PPP2R2B: variants seen among roughly 807,000 people sequenced by gnomAD.
PPP2R2B encodes the protein protein phosphatase 2 regulatory subunit Bbeta, also known as serine/threonine-protein phosphatase 2A 55 kDa regulatory subunit B beta isoform.
PPP2R2B carries 5 observed loss-of-function variants against 46.0 expected under a neutral mutation model. The observed-to-expected ratio is 0.11, with a 90% CI of 0.06 to 0.23. PPP2R2B has a LOEUF of 0.23. Among genes scored for constraint, PPP2R2B ranks in the 10% least tolerant of loss-of-function variants. PPP2R2B has a pLI of 1.00. For synonymous variants in PPP2R2B, 215 were observed against 206.7 expected (o/e 1.04, Z -0.34); for missense variants, 367 against 575.0 (o/e 0.64, Z 3.70).
chr5:146,899,622 A>C (rs1471935679), intron 1 of PPP2R2B, among the ~76,000 whole-genome samples: 1 of 152,120 alleles, frequency 6.6e-6, no homozygotes, highest in Non-Finnish European at 1.5e-5. Context: ...CTTAAAGTAT[A>C]ATAATAATAA....
At chr5:146,836,098 A>G (rs1358000243) in intron 2 of PPP2R2B, among the ~76,000 whole-genome samples, 2 of 152,174 alleles carry the variant, frequency 1.3e-5, no homozygotes, top group African/African-American at 4.8e-5. Flanking sequence ...ACTTTATCTT[A>G]TCATTTTGCT....
intron 9 of PPP2R2B, among the ~76,000 whole-genome samples, chr5:146,590,549 A>G (rs1216364385): frequency 1.3e-5 from 2 of 152,048 alleles, no homozygotes; most frequent in Non-Finnish European, 2.9e-5. Context: ...ACTGGTTTTA[A>G]TGATCCCAGT....
intron 2 of PPP2R2B, among the ~76,000 whole-genome samples, chr5:146,720,565 T>C (rs922584464): frequency 6.6e-6 from 1 of 152,198 alleles, no homozygotes; most frequent in African/African-American, 2.4e-5. Context: ...AAATAGCTCA[T>C]ACACTGTCCC....
At chr5:147,063,166 T>C (rs934661478) in intron 2 of PPP2R2B, among the ~76,000 whole-genome samples, 10 of 151,670 alleles carry the variant, frequency 6.6e-5, no homozygotes, top group African/African-American at 1.9e-4. Context: ...AAGAGATGCA[T>C]AGTAGAAAAC....
intron 2 of PPP2R2B, among the ~76,000 whole-genome samples, chr5:146,855,545 A>G (rs1760607423): frequency 6.6e-6 from 1 of 151,984 alleles, no homozygotes; most frequent in African/African-American, 2.4e-5. Flanking sequence ...AACTGTGACC[A>G]CCTTTTAAAT....
chr5:146,730,603 G>T (rs771624176), intron 2 of PPP2R2B, among the ~76,000 whole-genome samples: 3 of 152,234 alleles, frequency 2.0e-5, no homozygotes, highest in Admixed American at 2.0e-4. Flanking sequence ...AGTCTTTCCC[G>T]TGCTAGTCTC....
intron 7 of PPP2R2B, among the ~76,000 whole-genome samples, chr5:146,615,632 A>T (rs76039069): frequency 0.079 from 11,952 of 151,962 alleles, 748 homozygotes; most frequent in East Asian, 0.24. Context: ...TCAAGAAATT[A>T]AACCCATTTA....
chr5:146,653,659 G>A (rs1474763036), intron 5 of PPP2R2B, among the ~76,000 whole-genome samples: 1 of 152,160 alleles, frequency 6.6e-6, no homozygotes, highest in Non-Finnish European at 1.5e-5. Context: ...GGCGACATGG[G>A]AGGGAGCATG....
At chr5:146,713,429 G>A (rs1166107226) in intron 2 of PPP2R2B, among the ~76,000 whole-genome samples, 1 of 152,132 alleles carries the variant, frequency 6.6e-6, no homozygotes, top group Non-Finnish European at 1.5e-5. Context: ...ACTGTATACT[G>A]AAAAATAGTT....
At chr5:146,615,515 T>TAAAAAAAAAAAAAAAAA (rs1364774106) in intron 7 of PPP2R2B, among the ~76,000 whole-genome samples, 19 of 70,980 alleles carry the variant, frequency 2.7e-4, no homozygotes, top group South Asian at 4.7e-4. Context: ...AAAAAAAAAT[T>TAAAAAAAAAAAAAAAAA]AAAAAAAAAA....
At chr5:146,947,329 C>T (rs951272616) in intron 1 of PPP2R2B, among the ~76,000 whole-genome samples, 3 of 152,110 alleles carry the variant, frequency 2.0e-5, no homozygotes, top group African/African-American at 7.2e-5. Context: ...TTTCCAAAGC[C>T]TGAATATGTG....
chr5:146,682,622 G>T (rs185283652), intron 5 of PPP2R2B, among the ~76,000 whole-genome samples: 4 of 152,320 alleles, frequency 2.6e-5, no homozygotes, highest in African/African-American at 9.6e-5. Flanking sequence ...GCTGCCGTCT[G>T]GGCATAGTGA....
chr5:146,657,589 C>T (rs1776417515), intron 5 of PPP2R2B, among the ~76,000 whole-genome samples: 1 of 151,956 alleles, frequency 6.6e-6, no homozygotes, highest in African/African-American at 2.4e-5. Context: ...AGGGTAGGTT[C>T]TCCTTACTTT....
chr5:146,744,819 C>T (rs1753077391), intron 2 of PPP2R2B, among the ~76,000 whole-genome samples: 1 of 152,102 alleles, frequency 6.6e-6, no homozygotes, highest in African/African-American at 2.4e-5. Flanking sequence ...TCTGCCTAGC[C>T]AGCTAAGATA....
intron 1 of PPP2R2B, among the ~76,000 whole-genome samples, chr5:146,953,371 G>T (rs1375637510): frequency 6.6e-6 from 1 of 152,088 alleles, no homozygotes; most frequent in Non-Finnish European, 1.5e-5. Context: ...GGTATACGGG[G>T]TATAATTTTA....
intron 6 of PPP2R2B, among the ~76,000 whole-genome samples, chr5:146,643,090 T>C (rs1007843969): frequency 1.3e-5 from 2 of 152,154 alleles, no homozygotes; most frequent in African/African-American, 4.8e-5. Context: ...ATACTTTCCA[T>C]ACTTATGATG....
intron 1 of PPP2R2B, among the ~76,000 whole-genome samples, chr5:146,929,556 T>C (rs1267413460): frequency 1.3e-5 from 2 of 151,992 alleles, no homozygotes; most frequent in East Asian, 3.9e-4. Context: ...GATTGGGAAA[T>C]GATGGATATA....
Position 146,892,855 on chromosome 5 carries a change from C to G in PPP2R2B, c.79+162810G>C, listed in dbSNP as rs550381089. Reference sequence around the variant, plus strand: ...TCAGAATTTTTCATATTAATTTGTGCATATTTACATTTTATACAATACCTA... The same window carrying G: ...TCAGAATTTTTCATATTAATTTGTGGATATTTACATTTTATACAATACCTA... On this transcript the variant is annotated intron_variant, in intron 1 of 8. Coordinates refer to the PPP2R2B transcript ENST00000336640. Among the ~76,000 whole-genome samples, 26 of 152,286 alleles carry G rather than the reference C, an allele frequency of 1.7e-4. 1 individual carries two copies. Among genetic ancestry groups the G allele is most frequent in the Admixed American group, 9.8e-4 (15 of 15,294 alleles).
intron 1 of PPP2R2B, among the ~76,000 whole-genome samples, chr5:146,900,319 A>C (rs1011028652): frequency 6.6e-5 from 10 of 152,170 alleles, no homozygotes; most frequent in Non-Finnish European, 1.3e-4. Context: ...TGAACACACA[A>C]AGACAGGCCA....
Sources: gnomAD v4.1 joint callset for allele counts (sites outside exome capture counted in the v4.1 genomes callset) on GRCh38, gnomAD v4.1.1 for gene constraint, MANE v1.5 for transcripts, NCBI Gene and HGNC (gene_info 2026-07-23, HGNC 2026-07-21) for gene names.